Variants in ROBO2 observed in about 807,000 individuals in gnomAD.
ROBO2 encodes the protein roundabout homolog 2.
A neutral mutation model predicts 160.8 loss-of-function variants in ROBO2; 53 were observed. The ratio of observed to expected loss-of-function variants is 0.33; its 90% CI spans 0.26 to 0.41. The LOEUF is 0.41. Among genes scored for constraint, ROBO2 ranks in the 10% least tolerant of loss-of-function variants. The pLI, the probability that ROBO2 is intolerant of heterozygous loss-of-function variation, is 1.00. For missense variants in ROBO2, 1,577 were observed against 1,722.4 expected (o/e 0.92, Z 1.49); for synonymous variants, 664 against 611.7 (o/e 1.09, Z -1.26).
chr3:76,262,592 G>A (rs532129584), intron 2 of ROBO2, among the ~76,000 whole-genome samples: 212 of 152,036 alleles, frequency 1.4e-3, no homozygotes, highest in African/African-American at 4.9e-3. Context: ...TATATACTTG[G>A]GGTTGTCCCT....
intron 1 of ROBO2, among the ~76,000 whole-genome samples, chr3:75,921,466 G>A (rs1181712407): frequency 1.3e-5 from 2 of 151,966 alleles, no homozygotes; most frequent in Non-Finnish European, 2.9e-5. Context: ...GATCTTTCGT[G>A]TTCTGCATCT....
chr3:77,469,323 G>A (rs555791705), intron 2 of ROBO2, among the ~76,000 whole-genome samples: 6 of 152,136 alleles, frequency 3.9e-5, no homozygotes, highest in East Asian at 3.9e-4. Flanking sequence ...CCTGAGGATC[G>A]GTCTCCCCCT....
chr3:76,342,379 G>T (rs754257437), intron 2 of ROBO2, among the ~76,000 whole-genome samples: 1 of 152,066 alleles, frequency 6.6e-6, no homozygotes, highest in Non-Finnish European at 1.5e-5. Flanking sequence ...ACACATGCCT[G>T]AGTGTTTCAA....
At chr3:76,285,908 G>C (rs987087777) in intron 2 of ROBO2, among the ~76,000 whole-genome samples, 2 of 152,028 alleles carry the variant, frequency 1.3e-5, no homozygotes, top group African/African-American at 4.8e-5. Context: ...GATTTAAAAT[G>C]TAATCCGCAC....
intron 2 of ROBO2, among the ~76,000 whole-genome samples, chr3:76,695,317 C>G (rs1307583593): frequency 1.3e-5 from 2 of 152,062 alleles, no homozygotes; most frequent in African/African-American, 4.8e-5. Flanking sequence ...TTTTTCTATG[C>G]CTGTCAGGCA....
intron 2 of ROBO2, among the ~76,000 whole-genome samples, chr3:76,723,443 C>T (rs2093496802): frequency 6.6e-6 from 1 of 152,152 alleles, no homozygotes; most frequent in Non-Finnish European, 1.5e-5. Context: ...TAAACTTTGG[C>T]TCTTCCTTGA....
intron 2 of ROBO2, among the ~76,000 whole-genome samples, chr3:76,404,068 G>C (rs2077997482): frequency 1.3e-5 from 2 of 151,488 alleles, no homozygotes; most frequent in Admixed American, 1.3e-4. Flanking sequence ...AAACAACAAA[G>C]TTTGTATCTC....
intron 2 of ROBO2, among the ~76,000 whole-genome samples, chr3:76,177,070 C>A (rs1463135660): frequency 2.0e-5 from 3 of 152,112 alleles, no homozygotes; most frequent in Admixed American, 6.6e-5. Context: ...TCAGTGAATG[C>A]AATTATAGCT....
chr3:77,183,775 C>T (rs1015719004), intron 2 of ROBO2, among the ~76,000 whole-genome samples: 1 of 151,998 alleles, frequency 6.6e-6, no homozygotes, highest in Admixed American at 6.6e-5. Flanking sequence ...TCTTAATCAC[C>T]TCTTGTGAAC....
chr3:76,745,732 G>A (rs896775739), intron 2 of ROBO2, among the ~76,000 whole-genome samples: 8 of 151,642 alleles, frequency 5.3e-5, no homozygotes, highest in Non-Finnish European at 7.4e-5. Flanking sequence ...ATTTTCTGCA[G>A]AATTCCTCAC....
chr3:76,465,280 T>C (rs2078299452), intron 2 of ROBO2, among the ~76,000 whole-genome samples: 1 of 152,082 alleles, frequency 6.6e-6, no homozygotes, highest in Non-Finnish European at 1.5e-5. Context: ...TGAATGCATA[T>C]ACATGTATCA....
chr3:76,858,553 G>C (rs9757589), intron 2 of ROBO2, among the ~76,000 whole-genome samples: 18,878 of 152,134 alleles, frequency 0.12, 1,339 homozygotes, highest in East Asian at 0.24. Flanking sequence ...CGTGAGCCAC[G>C]GCACCTGGTC....
chr3:76,346,799 T>G (rs2074558786), intron 2 of ROBO2, among the ~76,000 whole-genome samples: 1 of 152,176 alleles, frequency 6.6e-6, no homozygotes, highest in Admixed American at 6.5e-5. Flanking sequence ...TCAGCAAAAC[T>G]TTGCCTGATA....
intron 2 of ROBO2, among the ~76,000 whole-genome samples, chr3:76,777,580 T>C (rs1309396449): frequency 1.3e-5 from 2 of 151,016 alleles, no homozygotes; most frequent in African/African-American, 4.8e-5. Flanking sequence ...AAAACGTTTT[T>C]TCTATACCTT....
intron 1 of ROBO2, among the ~76,000 whole-genome samples, chr3:75,932,869 C>A (rs1452805268): frequency 1.3e-5 from 2 of 152,080 alleles, no homozygotes; most frequent in African/African-American, 4.8e-5. Context: ...GGCCTAGAGT[C>A]ATATTTTAAC....
intron 2 of ROBO2, among the ~76,000 whole-genome samples, chr3:76,474,724 T>G (rs2078839362): frequency 6.6e-6 from 1 of 152,050 alleles, no homozygotes; most frequent in African/African-American, 2.4e-5. Context: ...TCTATTTCAC[T>G]CGAGTGTCTG....
At chr3:77,263,110 G>A (rs1265742569) in intron 2 of ROBO2, among the ~76,000 whole-genome samples, 1 of 152,100 alleles carries the variant, frequency 6.6e-6, no homozygotes, top group African/African-American at 2.4e-5. Context: ...AAAGTAATTT[G>A]TAGAACCATT....
At chr3:77,482,708 C>T (rs2084851886) in intron 4 of ROBO2, among the ~76,000 whole-genome samples, 1 of 152,144 alleles carries the variant, frequency 6.6e-6, no homozygotes, top group South Asian at 2.1e-4. Flanking sequence ...AAGATGTGCT[C>T]CACTCTGTAA....
chr3:77,420,921 T>C (rs1277724220), intron 2 of ROBO2, among the ~76,000 whole-genome samples: 1 of 152,170 alleles, frequency 6.6e-6, no homozygotes, highest in East Asian at 1.9e-4. Flanking sequence ...TATGTGATTA[T>C]ATGTTCCCAA....
Sources: gnomAD v4.1 joint callset for allele counts (sites outside exome capture counted in the v4.1 genomes callset) on GRCh38, gnomAD v4.1.1 for gene constraint, MANE v1.5 for transcripts, NCBI Gene and HGNC (gene_info 2026-07-23, HGNC 2026-07-21) for gene names.